The following TACR3 variants were observed in gnomAD, a reference collection of about 807,000 sequenced individuals.
TACR3 encodes the protein neuromedin-K receptor.
A neutral mutation model predicts 35.0 loss-of-function variants in TACR3; 34 were observed. The observed-to-expected ratio is 0.97, with a 90% CI of 0.74 to 1.30. The LOEUF (loss-of-function observed/expected upper bound fraction) is 1.30. Among genes scored for constraint, TACR3 ranks in the 50% most tolerant of loss-of-function variants. The pLI is 0.00. For missense variants in TACR3, 558 were observed against 591.7 expected, an observed-to-expected ratio of 0.94 and a Z score of 0.59; for synonymous variants, 233 against 221.1, an observed-to-expected ratio of 1.05 and a Z score of -0.48.
intron 1 of TACR3, among the ~76,000 whole-genome samples, chr4:103,711,998 C>T (rs1286970232): frequency 1.3e-5 from 2 of 152,046 alleles, no homozygotes; most frequent in Admixed American, 6.5e-5. Context: ...TAAAAGAGGA[C>T]ACAAAGAAAT....
intron 1 of TACR3, among the ~76,000 whole-genome samples, chr4:103,664,048 C>G (rs972239964): frequency 6.6e-6 from 1 of 152,288 alleles, no homozygotes; most frequent in African/African-American, 2.4e-5. Context: ...TAAGTAACAG[C>G]TAAGAGCTGA....
At chr4:103,600,508 A>C (rs1428587797) in intron 3 of TACR3, among the ~76,000 whole-genome samples, 7 of 151,908 alleles carry the variant, frequency 4.6e-5, no homozygotes, top group African/African-American at 1.7e-4. Context: ...CTAGCTTTTG[A>C]ATGTGTTTGA....
At chr4:103,694,799 G>C (rs1404841753) in intron 1 of TACR3, among the ~76,000 whole-genome samples, 2 of 151,932 alleles carry the variant, frequency 1.3e-5, no homozygotes, top group South Asian at 4.1e-4. Flanking sequence ...TAGTCTTTAA[G>C]GCATGTATTA....
intron 3 of TACR3, among the ~76,000 whole-genome samples, chr4:103,616,183 C>T (rs1164887797): frequency 6.6e-6 from 1 of 152,034 alleles, no homozygotes; most frequent in Non-Finnish European, 1.5e-5. Context: ...TTGTGGGTTA[C>T]TACACAGCAC....
rs770506211 is a variant in TACR3 at position 103,674,863 on chromosome 4, T to C, written c.549-16460A>G. 3.8e-4 allele frequency among the ~76,000 whole-genome samples: 58 copies of C among 152,172 alleles called. 1 individual carries two copies. The highest frequency in any genetic ancestry group is 9.8e-4 in the Admixed American group (15 of 15,280). On this transcript the variant is annotated intron_variant, in intron 1 of 4. Coordinates refer to ENST00000304883, the MANE Select transcript of TACR3 (RefSeq NM_001059.3). ...CCGCGCCCGGCCTACATGTTTTAATTGGTACTGCAAGGCATTAGTTTTTGG... is the reference window on the plus strand; with the variant it reads ...CCGCGCCCGGCCTACATGTTTTAATCGGTACTGCAAGGCATTAGTTTTTGG...
chr4:103,676,120 A>T (rs1726165241), intron 1 of TACR3, among the ~76,000 whole-genome samples: 1 of 152,170 alleles, frequency 6.6e-6, no homozygotes, highest in South Asian at 2.1e-4. Context: ...ACGAGAGGAA[A>T]AAGATACTGA....
intron 1 of TACR3, among the ~76,000 whole-genome samples, chr4:103,669,568 T>C (rs1182056906): frequency 6.6e-6 from 1 of 152,168 alleles, no homozygotes; most frequent in Non-Finnish European, 1.5e-5. Flanking sequence ...TCATTGTGGC[T>C]TTAATTTACA....
At chr4:103,706,057 T>G (rs1722780390) in intron 1 of TACR3, among the ~76,000 whole-genome samples, 1 of 152,084 alleles carries the variant, frequency 6.6e-6, no homozygotes, top group Non-Finnish European at 1.5e-5. Flanking sequence ...AGAAAAGACA[T>G]GAGGGTGGCT....
At chr4:103,608,445 A>C (rs372256787) in intron 3 of TACR3, among the ~76,000 whole-genome samples, 2 of 152,094 alleles carry the variant, frequency 1.3e-5, no homozygotes, top group African/African-American at 2.4e-5. Context: ...AAAACTACCT[A>C]TTGGGTCCTG....
chr4:103,659,085 A>C (rs960559181), intron 1 of TACR3, among the ~76,000 whole-genome samples: 1 of 152,140 alleles, frequency 6.6e-6, no homozygotes, highest in Non-Finnish European at 1.5e-5. Flanking sequence ...CGCTGACCTG[A>C]CAGGAGGCGG....
Position 103,719,753 on chromosome 4 carries a change from T to C in TACR3, c.-78A>G. 1 of 1,561,754 alleles carries C rather than the reference T, an allele frequency of 6.4e-7. No individual in the cohort carries two copies. Among genetic ancestry groups the C allele is most frequent in the East Asian group, 2.3e-5 (1 of 43,588 alleles). On this transcript the variant is annotated 5_prime_UTR_variant, in exon 1 of 5. Coordinates refer to ENST00000304883, the MANE Select transcript of TACR3 (RefSeq NM_001059.3). ...ACGAGACTCCTCTGAAGTTCTTCTC[T>C]GCCTCCTGGTCACTTTGGTGCCGGA...
intron 3 of TACR3, among the ~76,000 whole-genome samples, chr4:103,607,073 G>C (rs1724391324): frequency 6.6e-6 from 1 of 152,074 alleles, no homozygotes; most frequent in African/African-American, 2.4e-5. Context: ...TGCAAGGCTG[G>C]TTCAATATAC....
chr4:103,652,515 A>G (rs1359000705), intron 3 of TACR3, among the ~76,000 whole-genome samples: 1 of 152,220 alleles, frequency 6.6e-6, no homozygotes, highest in Non-Finnish European at 1.5e-5. Flanking sequence ...TCTTTCAGCT[A>G]TATGAAGTTA....
chr4:103,604,175 C>A (rs1159533783), intron 3 of TACR3, among the ~76,000 whole-genome samples: 1 of 152,202 alleles, frequency 6.6e-6, no homozygotes, highest in African/African-American at 2.4e-5. Flanking sequence ...CACCATGGTA[C>A]TGGTACCAAA....
intron 1 of TACR3, among the ~76,000 whole-genome samples, chr4:103,690,826 A>T (rs1416054616): frequency 6.8e-6 from 1 of 146,278 alleles, no homozygotes; most frequent in Non-Finnish European, 1.5e-5. Flanking sequence ...TTGTTGATTA[A>T]CTATATTTAA....
At position 103,639,041 on chromosome 4, in the gene TACR3, A is replaced by C. The variant is rs540923511; in HGVS notation, c.888+17153T>G. 1.1e-4 allele frequency among the ~76,000 whole-genome samples: 17 copies of C among 152,296 alleles called. 2 individuals are homozygous for C. The East Asian group carries it at 2.3e-3, about 21-fold the overall frequency. The stretch of plus-strand genomic sequence containing the variant: ...GTGGAAGTCGGTGTGGTGATTCCTC[A>C]GGGATCTAGAGCTAGAAATACCATT... On this transcript the variant is annotated intron_variant, in intron 3 of 4. Transcript: ENST00000304883.
chr4:103,707,772 C>T (rs112846294), intron 1 of TACR3, among the ~76,000 whole-genome samples: 17,724 of 152,068 alleles, frequency 0.12, 1,348 homozygotes, highest in East Asian at 0.37. Flanking sequence ...CTGTGACAGA[C>T]GGCACATGGA....
rs772060016 is a variant in TACR3, at chr4:103,719,716, G to A, written c.-41C>T. 1.2e-6 allele frequency: 2 copies of A among 1,601,518 alleles called. No homozygotes were observed. Among genetic ancestry groups the A allele is most frequent in the Non-Finnish European group, 1.7e-6 (2 of 1,179,368 alleles). On this transcript the variant is annotated 5_prime_UTR_variant, in exon 1 of 5. Transcript: ENST00000304883. The stretch of plus-strand genomic sequence containing the variant: ...GTCCCGGACCCTCCCACTCACCCAC[G>A]GGCAGCCCAAGACGAGACTCCTCTG...
At chr4:103,629,878 A>AAAACAAAAAC (rs1553969648) in intron 3 of TACR3, among the ~76,000 whole-genome samples, 1 of 141,708 alleles carries the variant, frequency 7.1e-6, no homozygotes, top group African/African-American at 2.7e-5. Flanking sequence ...AAAACAAAAA[A>AAAACAAAAAC]AACAACAACA....
Sources: allele counts gnomAD v4.1 joint callset (sites outside exome capture counted in the v4.1 genomes callset), GRCh38; gene constraint gnomAD v4.1.1; transcripts MANE v1.5; gene names NCBI Gene and HGNC (gene_info 2026-07-23, HGNC 2026-07-21).